PDE4D: variants seen among roughly 807,000 people sequenced by gnomAD.
PDE4D encodes phosphodiesterase 4D.
Under a neutral mutation model 87.4 loss-of-function variants are expected in PDE4D, and 24 were observed. The observed-to-expected ratio is 0.27, with a 90% CI of 0.20 to 0.39. The LOEUF (loss-of-function observed/expected upper bound fraction) is 0.39, where lower values mean the gene tolerates loss of function less well. Ranked by LOEUF, PDE4D falls within the 10% of genes least tolerant of loss-of-function variation. The pLI, the probability that PDE4D is intolerant of heterozygous loss-of-function variation, is 1.00. For synonymous variants in PDE4D, 384 were observed against 383.2 expected (o/e 1.00, Z -0.02); for missense variants, 714 against 1,041.0 (o/e 0.69, Z 4.32).
At chr5:59,555,324 A>G (rs1430009796) in intron 1 of PDE4D, among the ~76,000 whole-genome samples, 2 of 152,124 alleles carry the variant, frequency 1.3e-5, no homozygotes, top group African/African-American at 2.4e-5. Flanking sequence ...AAAGAGGATC[A>G]GCATACTGGG....
intron 1 of PDE4D, among the ~76,000 whole-genome samples, chr5:59,399,621 T>C (rs1318390084): frequency 7.5e-6 from 1 of 134,190 alleles, no homozygotes; most frequent in Non-Finnish European, 1.7e-5. Flanking sequence ...CCTAAAACCA[T>C]AAAAACCCTA....
At chr5:59,502,992 C>T (rs1452543139) in intron 1 of PDE4D, among the ~76,000 whole-genome samples, 1 of 149,694 alleles carries the variant, frequency 6.7e-6, no homozygotes, top group Non-Finnish European at 1.5e-5. Flanking sequence ...CATTTAAATG[C>T]TAAGTTCTGT....
chr5:60,332,215 A>T (rs916874504), intron 1 of PDE4D, among the ~76,000 whole-genome samples: 2 of 152,212 alleles, frequency 1.3e-5, no homozygotes, highest in Non-Finnish European at 2.9e-5. Context: ...CAGCGAGTAC[A>T]TATGCAGGTT....
chr5:60,206,206 G>A (rs981476159), intron 1 of PDE4D, among the ~76,000 whole-genome samples: 3 of 152,130 alleles, frequency 2.0e-5, no homozygotes, highest in African/African-American at 7.2e-5. Context: ...ATCATCCCTA[G>A]CTTTTGCCAC....
intron 1 of PDE4D, among the ~76,000 whole-genome samples, chr5:60,285,290 G>A (rs767431344): frequency 6.6e-6 from 1 of 151,716 alleles, no homozygotes; most frequent in Non-Finnish European, 1.5e-5. Context: ...AAGTACAAAG[G>A]TGTACTAAAG....
chr5:59,803,938 T>TTATTTTATATATAGTATATATATA (rs1229673133), intron 1 of PDE4D, among the ~76,000 whole-genome samples: 12 of 152,218 alleles, frequency 7.9e-5, no homozygotes, highest in Admixed American at 1.3e-4. Context: ...CAAAAAATAG[T>TTATTTTATATATAGTATATATATA]TACAAACTTG....
intron 6 of PDE4D, among the ~76,000 whole-genome samples, chr5:59,000,569 G>C (rs1459879625): frequency 6.6e-6 from 1 of 152,166 alleles, no homozygotes; most frequent in Non-Finnish European, 1.5e-5. Flanking sequence ...TCAAAATCTA[G>C]GGGTGGGACC....
At chr5:60,029,282 T>C (rs1766969933) in intron 2 of PDE4D, among the ~76,000 whole-genome samples, 1 of 152,164 alleles carries the variant, frequency 6.6e-6, no homozygotes, top group African/African-American at 2.4e-5. Flanking sequence ...GGGAACTGTT[T>C]AGGGCCAACC....
rs115927278 is a variant in PDE4D at position 59,579,025 on chromosome 5, C to A, written c.455+314143G>T. Reference sequence around the variant, plus strand: ...GCACAACTTTTCTCTGCTTTTATTACCCCTGAAATATAACTTACCCCCAGA... The same window carrying A: ...GCACAACTTTTCTCTGCTTTTATTAACCCTGAAATATAACTTACCCCCAGA... On this transcript the variant is annotated intron_variant, in intron 1 of 14. Coordinates refer to ENST00000340635, the MANE Select transcript of PDE4D (RefSeq NM_001104631.2). 3.1e-3 allele frequency among the ~76,000 whole-genome samples: 471 copies of A among 152,128 alleles called. 1 individual carries two copies. Among genetic ancestry groups the A allele is most frequent in the African/African-American group, 0.011 (446 of 41,516 alleles).
intron 2 of PDE4D, among the ~76,000 whole-genome samples, chr5:60,084,400 G>A (rs991811437): frequency 1.3e-5 from 2 of 151,874 alleles, no homozygotes; most frequent in African/African-American, 2.4e-5. Flanking sequence ...GTGTGTGTGT[G>A]TGTGTGCGCG....
intron 5 of PDE4D, chr5:59,125,263 C>G: frequency 2.0e-6 from 2 of 984,668 alleles, no homozygotes; most frequent in Non-Finnish European, 2.4e-6. Context: ...GAAGTACAGC[C>G]AGACCTTAGG....
intron 1 of PDE4D, among the ~76,000 whole-genome samples, chr5:59,581,590 C>G (rs1824162379): frequency 6.6e-6 from 1 of 152,172 alleles, no homozygotes; most frequent in Non-Finnish European, 1.5e-5. Flanking sequence ...TTAAAGTGCA[C>G]AAACTATTTT....
At chr5:59,510,882 C>T (rs977374237) in intron 1 of PDE4D, among the ~76,000 whole-genome samples, 1 of 151,826 alleles carries the variant, frequency 6.6e-6, no homozygotes, top group Non-Finnish European at 1.5e-5. Context: ...CTACTTAAAC[C>T]GTTTTTTAAA....
intron 1 of PDE4D, among the ~76,000 whole-genome samples, chr5:59,239,650 T>C (rs1757241471): frequency 1.3e-5 from 2 of 152,194 alleles, no homozygotes; most frequent in Non-Finnish European, 2.9e-5. Context: ...ATTCGTTGCC[T>C]CTCTAGGATC....
intron 3 of PDE4D, among the ~76,000 whole-genome samples, chr5:59,940,815 C>A (rs376808927): frequency 6.6e-6 from 1 of 152,228 alleles, no homozygotes; most frequent in East Asian, 1.9e-4. Flanking sequence ...ATAGGTGGAT[C>A]TATGACTTGA....
chr5:59,582,844 T>A (rs1364526454), intron 1 of PDE4D, among the ~76,000 whole-genome samples: 3 of 152,128 alleles, frequency 2.0e-5, no homozygotes, highest in Non-Finnish European at 4.4e-5. Context: ...ACAAAGACAG[T>A]TTAAAACATT....
intron 2 of PDE4D, among the ~76,000 whole-genome samples, chr5:60,084,424 A>G (rs1227687478): frequency 1.3e-5 from 2 of 151,910 alleles, no homozygotes; most frequent in African/African-American, 2.4e-5. Flanking sequence ...GCGTGTGCGC[A>G]TGCGCACGCA....
At chr5:59,835,242 T>C (rs1191562857) in intron 1 of PDE4D, among the ~76,000 whole-genome samples, 3 of 152,076 alleles carry the variant, frequency 2.0e-5, no homozygotes, top group Non-Finnish European at 4.4e-5. Flanking sequence ...AAGACAACTC[T>C]AGCTTCTGTG....
intron 1 of PDE4D, among the ~76,000 whole-genome samples, chr5:60,512,517 G>A (rs189463488): frequency 3.3e-5 from 5 of 152,184 alleles, no homozygotes; most frequent in Admixed American, 3.3e-4. Flanking sequence ...GTATGGGTTT[G>A]TGGATACATT....
Sources: gnomAD v4.1 joint callset for allele counts (sites outside exome capture counted in the v4.1 genomes callset) on GRCh38, gnomAD v4.1.1 for gene constraint, MANE v1.5 for transcripts, NCBI Gene and HGNC (gene_info 2026-07-23, HGNC 2026-07-21) for gene names.